The following C1orf105 variants were observed in gnomAD, a reference collection of about 807,000 sequenced individuals.
The protein encoded by C1orf105 is chromosome 1 open reading frame 105.
C1orf105 carries 17 observed loss-of-function variants against 20.8 expected under a neutral mutation model. The ratio of observed to expected loss-of-function variants is 0.82; its 90% confidence interval spans 0.56 to 1.23. C1orf105 has a LOEUF of 1.23. Ranked by LOEUF, C1orf105 falls within the 50% of genes most tolerant of loss-of-function variation. The pLI is 0.00. For synonymous variants in C1orf105, 72 were observed against 72.1 expected, an observed-to-expected ratio of 1.00 and a Z score of 0.01; for missense variants, 219 against 213.5, an observed-to-expected ratio of 1.03 and a Z score of -0.16.
chr1:172,427,730 TC>T (rs1336293248), intron 1 of C1orf105, among the ~76,000 whole-genome samples: 6 of 152,182 alleles, frequency 3.9e-5, no homozygotes, highest in African/African-American at 1.2e-4. Flanking sequence ...CTCTTGCTTT[TC>T]CCTTGCCTCA....
intron 5 of C1orf105, among the ~76,000 whole-genome samples, chr1:172,463,525 C>A (rs1370445197): frequency 6.6e-6 from 1 of 152,148 alleles, no homozygotes; most frequent in African/African-American, 2.4e-5. Context: ...TCACTAATAA[C>A]ATTTACCTGT....
intron 1 of C1orf105, among the ~76,000 whole-genome samples, chr1:172,422,789 C>A (rs1162119845): frequency 6.6e-6 from 1 of 151,984 alleles, no homozygotes; most frequent in African/African-American, 2.4e-5. Flanking sequence ...CTGGCAGCAT[C>A]CAACACATGC....
chr1:172,457,914 A>C (rs1015193747), intron 4 of C1orf105, among the ~76,000 whole-genome samples: 8 of 152,198 alleles, frequency 5.3e-5, no homozygotes, highest in Non-Finnish European at 1.0e-4. Context: ...TAAACATGAA[A>C]TATCCTTGCC....
At chr1:172,459,253 C>T (rs1015184958) in intron 4 of C1orf105, among the ~76,000 whole-genome samples, 3 of 152,018 alleles carry the variant, frequency 2.0e-5, no homozygotes, top group African/African-American at 7.2e-5. Flanking sequence ...CACGAAAAGA[C>T]AACCCAAATA....
intron 1 of C1orf105, among the ~76,000 whole-genome samples, chr1:172,435,706 C>T (rs986970194): frequency 6.6e-6 from 1 of 152,220 alleles, no homozygotes; most frequent in Non-Finnish European, 1.5e-5. Context: ...TGCCCTCTCT[C>T]ATCACTCCTA....
chr1:172,449,062 A>C (rs1185064022), intron 3 of C1orf105, among the ~76,000 whole-genome samples: 3 of 152,202 alleles, frequency 2.0e-5, no homozygotes, highest in Admixed American at 2.0e-4. Flanking sequence ...TGGTGAGATA[A>C]GCAATTTTTT....
chr1:172,449,943 C>T lies in C1orf105; in HGVS notation c.198+1412C>T, dbSNP rs1045807861. Among the ~76,000 whole-genome samples the T allele has an allele frequency of 6.6e-5, 10 of 152,198 alleles. No individual in the cohort carries two copies. The South Asian group carries it at 1.4e-3, about 22-fold the overall frequency. ...CTCAGGTTTGTTCTGGGTCTCTGTA[C>T]TGTGGCAACCTGGGCACTAGGACAC... On this transcript the variant is annotated intron_variant, in intron 3 of 6. Coordinates refer to ENST00000367727, the MANE Select transcript of C1orf105 (RefSeq NM_139240.4).
In C1orf105 at chr1:172,462,180, A is replaced by C; in HGVS notation, c.276A>C (p.Val92=). ...CTAAATGAGACTTTCTTCTTGAGGT[A>C]CAACCAAGAACAATGAAAATCCCAG... ...LCSTCQEMKM[V]QPRTMKIPDD... is the part of the protein sequence containing the mutation. The change falls in exon 5 of 7, where the codon GTA becomes GTC. Residue 92 remains valine (V), a splice_region_variant and synonymous_variant. Coordinates refer to ENST00000367727, the MANE Select transcript of C1orf105 (RefSeq NM_139240.4). The C allele has an allele frequency of 6.2e-7, 1 of 1,607,492 alleles. No individual in the cohort carries two copies. Among genetic ancestry groups the C allele is most frequent in the South Asian group, 1.1e-5 (1 of 89,940 alleles).
At position 172,448,477 on chromosome 1, in the gene C1orf105, C is replaced by G; in HGVS notation, c.144C>G (p.Ser48=). The G allele has an allele frequency of 6.2e-7, 1 of 1,613,360 alleles. No individual in the cohort carries two copies. Among genetic ancestry groups the G allele is most frequent in the Non-Finnish European group, 8.5e-7 (1 of 1,179,370 alleles). The change falls in exon 3 of 7, where the codon TCC becomes TCG. Residue 48 remains serine (S), a synonymous_variant. Transcript: ENST00000367727. ...CCTCTGCGACTTTTCTGACTTCATCCAAGAAGAATATGAATTTGCCAATTT... is the reference window on the plus strand; with the variant it reads ...CCTCTGCGACTTTTCTGACTTCATCGAAGAAGAATATGAATTTGCCAATTT... ...PHTSATFLTS[S]KKNMNLPILF...
intron 3 of C1orf105, 140 bp from the exon 4 acceptor site, chr1:172,456,275 G>A (rs1649231304): frequency 1.4e-6 from 1 of 722,636 alleles, no homozygotes; most frequent in Non-Finnish European, 2.4e-6. Flanking sequence ...CCCTGGATGG[G>A]GCTGAGACCA....
chr1:172,443,295 T>G (rs528685780), intron 1 of C1orf105: 12 of 167,244 alleles, frequency 7.2e-5, no homozygotes, highest in African/African-American at 2.4e-4. Flanking sequence ...CATGCTTATA[T>G]CTGGATTTGT....
chr1:172,459,410 T>C (rs549539150), intron 4 of C1orf105, among the ~76,000 whole-genome samples: 2 of 152,250 alleles, frequency 1.3e-5, no homozygotes, highest in South Asian at 4.1e-4. Flanking sequence ...CTAAAGAAGA[T>C]CTACAAATGA....
At chr1:172,441,274 C>T (rs1298920335) in intron 1 of C1orf105, among the ~76,000 whole-genome samples, 2 of 151,990 alleles carry the variant, frequency 1.3e-5, no homozygotes, top group Non-Finnish European at 2.9e-5. Flanking sequence ...CTGAGCATAG[C>T]ACCCTGTGTT....
chr1:172,461,394 A>C (rs1460991878), intron 4 of C1orf105, among the ~76,000 whole-genome samples: 1 of 152,246 alleles, frequency 6.6e-6, no homozygotes, highest in East Asian at 1.9e-4. Context: ...TGAGTAGAGT[A>C]GTTGAACACC....
At chr1:172,430,742 G>C (rs1253680811) in intron 1 of C1orf105, among the ~76,000 whole-genome samples, 1 of 152,160 alleles carries the variant, frequency 6.6e-6, no homozygotes, top group Non-Finnish European at 1.5e-5. Context: ...CGCCCAGCCA[G>C]ATACAGCATT....
intron 3 of C1orf105, chr1:172,452,817 G>A (rs1648800048): frequency 2.2e-6 from 3 of 1,393,894 alleles, no homozygotes; most frequent in Non-Finnish European, 9.3e-7. Context: ...AGCTGCTTGG[G>A]AAATGAGGGC....
chr1:172,442,702 T>G, intron 1 of C1orf105: 2 of 1,232,680 alleles, frequency 1.6e-6, no homozygotes, highest in Non-Finnish European at 2.3e-6. Context: ...TATGAAGTTT[T>G]GAAATGAGAC....
intron 3 of C1orf105, among the ~76,000 whole-genome samples, chr1:172,455,209 A>G (rs1649106693): frequency 1.3e-5 from 2 of 151,772 alleles, no homozygotes. Flanking sequence ...TAGCCCTCAA[A>G]CCCCCCATGA....
chr1:172,433,775 G>A (rs1041823944), intron 1 of C1orf105, among the ~76,000 whole-genome samples: 4 of 152,172 alleles, frequency 2.6e-5, no homozygotes, highest in African/African-American at 9.6e-5. Flanking sequence ...AATGTAAATG[G>A]TCTAAATGCC....
Sources: allele counts gnomAD v4.1 joint callset (sites outside exome capture counted in the v4.1 genomes callset), GRCh38; gene constraint gnomAD v4.1.1; transcripts MANE v1.5; gene names NCBI Gene and HGNC (gene_info 2026-07-23, HGNC 2026-07-21).